The following CADM2 variants were observed in gnomAD, a reference collection of about 807,000 sequenced individuals.
CADM2 encodes the protein cell adhesion molecule 2.
A neutral mutation model predicts 49.8 loss-of-function variants in CADM2; 12 were observed. That is an observed-to-expected ratio of 0.24 (90% CI 0.15 to 0.39). The LOEUF is 0.39. CADM2 is among the 10% of genes least tolerant of loss of function. CADM2 has a pLI of 1.00. For missense variants in CADM2, 378 were observed against 492.3 expected (o/e 0.77, Z 2.20); for synonymous variants, 214 against 175.4 (o/e 1.22, Z -1.74).
At chr3:85,629,162 A>C (rs943022140) in intron 1 of CADM2, among the ~76,000 whole-genome samples, 1 of 151,850 alleles carries the variant, frequency 6.6e-6, no homozygotes, top group African/African-American at 2.4e-5. Context: ...TATGTTTTTA[A>C]GTAATATTTT....
intron 6 of CADM2, among the ~76,000 whole-genome samples, chr3:85,928,355 C>T (rs1720161677): frequency 6.6e-6 from 1 of 152,056 alleles, no homozygotes; most frequent in Non-Finnish European, 1.5e-5. Flanking sequence ...GACGGCGTTT[C>T]ACCATGTTGG....
At chr3:85,285,050 T>A (rs1454583859) in intron 1 of CADM2, among the ~76,000 whole-genome samples, 1 of 152,056 alleles carries the variant, frequency 6.6e-6, no homozygotes, top group East Asian at 1.9e-4. Flanking sequence ...ATTTTGAAGG[T>A]AGTGCAGATA....
At chr3:85,864,967 C>T (rs971655050) in intron 3 of CADM2, among the ~76,000 whole-genome samples, 4 of 152,160 alleles carry the variant, frequency 2.6e-5, no homozygotes, top group Admixed American at 2.6e-4. Flanking sequence ...ATCTTAATCT[C>T]TCTAGTCACT....
chr3:85,806,741 A>T (rs899598342), intron 3 of CADM2, among the ~76,000 whole-genome samples: 23 of 151,296 alleles, frequency 1.5e-4, no homozygotes, highest in African/African-American at 5.4e-4. Context: ...TCTCAAAAAC[A>T]AAACAAAACA....
intron 8 of CADM2, among the ~76,000 whole-genome samples, chr3:86,056,161 A>G (rs563352681): frequency 1.1e-4 from 17 of 152,280 alleles, no homozygotes; most frequent in African/African-American, 3.9e-4. Context: ...CTCTCACTTT[A>G]TGAATGTCAG....
At position 85,844,822 on chromosome 3, in the gene CADM2, G is replaced by A. The variant is rs571755827; in HGVS notation, c.239-38469G>A. Among the ~76,000 whole-genome samples the A allele has an allele frequency of 5.2e-4, 79 of 152,116 alleles. 1 individual carries two copies. Among genetic ancestry groups the A allele is most frequent in the Non-Finnish European group, 6.6e-4 (45 of 67,978 alleles). ...ATCTTAATTAACTGGATTCTCTGGA[G>A]TTGACTTTTCTTCTTCAGTCTAATT... On this transcript the variant is annotated intron_variant, in intron 3 of 9. Transcript: ENST00000383699.
intron 1 of CADM2, among the ~76,000 whole-genome samples, chr3:85,145,944 T>C (rs1187435524): frequency 6.6e-6 from 1 of 152,144 alleles, no homozygotes; most frequent in Non-Finnish European, 1.5e-5. Context: ...AAAAGAAAGT[T>C]CTTCCAGTTT....
At chr3:85,372,773 G>A (rs1018656756) in intron 1 of CADM2, among the ~76,000 whole-genome samples, 2 of 152,124 alleles carry the variant, frequency 1.3e-5, no homozygotes, top group African/African-American at 4.8e-5. Flanking sequence ...ATGGCAGAAG[G>A]TAAAGGAGGA....
At chr3:85,022,849 T>A (rs1341300815) in intron 1 of CADM2, among the ~76,000 whole-genome samples, 5 of 152,132 alleles carry the variant, frequency 3.3e-5, no homozygotes, top group African/African-American at 1.2e-4. Context: ...TAATCGTACA[T>A]TCAGTGTATC....
chr3:85,560,931 A>G (rs1473681778), intron 1 of CADM2, among the ~76,000 whole-genome samples: 1 of 152,192 alleles, frequency 6.6e-6, no homozygotes, highest in Admixed American at 6.5e-5. Context: ...TATCCCTGCC[A>G]TATGAATCCT....
In CADM2 at chr3:85,880,420, C is replaced by A. The variant is rs1018260899; in HGVS notation, c.239-2871C>A. On this transcript the variant is annotated intron_variant, in intron 3 of 9. Transcript: ENST00000383699. ...ATTTTTTCATTCTTTCTTCTTGATG[C>A]GTCAAGATTTCCTCTTATTACTAAT... is the stretch of plus-strand genomic sequence containing the variant. Among the ~76,000 whole-genome samples, 23 of 152,136 alleles carry A rather than the reference C, an allele frequency of 1.5e-4. 1 individual carries two copies. In the South Asian group the frequency reaches 4.1e-3, roughly 27 times the overall value.
chr3:85,952,517 A>G (rs971437477), intron 7 of CADM2, among the ~76,000 whole-genome samples: 1 of 150,944 alleles, frequency 6.6e-6, no homozygotes, highest in Non-Finnish European at 1.5e-5. Flanking sequence ...TGAATTCAGC[A>G]TGTTCAAAAT....
At chr3:85,597,146 G>A (rs1019794443) in intron 1 of CADM2, among the ~76,000 whole-genome samples, 18 of 152,042 alleles carry the variant, frequency 1.2e-4, no homozygotes, top group Non-Finnish European at 1.3e-4. Context: ...TTTATGGAGA[G>A]GGGAGAAAAG....
At chr3:85,020,205 C>T (rs1369408282) in intron 1 of CADM2, among the ~76,000 whole-genome samples, 2 of 151,790 alleles carry the variant, frequency 1.3e-5, no homozygotes. Flanking sequence ...CTTATGTTGC[C>T]TGGTGGTTTC....
chr3:85,010,365 A>G (rs1398654581), intron 1 of CADM2, among the ~76,000 whole-genome samples: 1 of 152,238 alleles, frequency 6.6e-6, no homozygotes, highest in Non-Finnish European at 1.5e-5. Flanking sequence ...GAATGTATAA[A>G]TAGTCCAGGA....
At chr3:85,054,033 C>T (rs983303919) in intron 1 of CADM2, among the ~76,000 whole-genome samples, 2 of 151,906 alleles carry the variant, frequency 1.3e-5, no homozygotes, top group African/African-American at 4.8e-5. Context: ...CACTAATCAT[C>T]TACCTTAAGA....
chr3:85,236,690 T>C (rs1311646004), intron 1 of CADM2, among the ~76,000 whole-genome samples: 2 of 152,092 alleles, frequency 1.3e-5, no homozygotes, highest in Non-Finnish European at 2.9e-5. Flanking sequence ...TATGCTACCA[T>C]TGGGCCTTCT....
chr3:85,897,219 C>T (rs1459974441), intron 5 of CADM2, among the ~76,000 whole-genome samples: 2 of 117,512 alleles, frequency 1.7e-5, no homozygotes, highest in Non-Finnish European at 3.4e-5. Flanking sequence ...AGAATTACAA[C>T]AATAATTGCT....
intron 1 of CADM2, among the ~76,000 whole-genome samples, chr3:85,228,910 A>G (rs988614538): frequency 6.6e-6 from 1 of 152,132 alleles, no homozygotes; most frequent in Non-Finnish European, 1.5e-5. Context: ...AGTCTGCCGA[A>G]GCTTTGCCCA....
Sources: allele counts gnomAD v4.1 joint callset (sites outside exome capture counted in the v4.1 genomes callset), GRCh38; gene constraint gnomAD v4.1.1; transcripts MANE v1.5; gene names NCBI Gene and HGNC (gene_info 2026-07-23, HGNC 2026-07-21).